TBX5: variants seen among roughly 807,000 people sequenced by gnomAD.
TBX5 encodes T-box transcription factor 5.
TBX5 carries 8 observed loss-of-function variants against 51.1 expected under a neutral mutation model. That is an observed-to-expected ratio of 0.16 (90% CI 0.09 to 0.28). The LOEUF (loss-of-function observed/expected upper bound fraction) is 0.28. TBX5 is among the 10% of genes least tolerant of loss of function. The pLI, the probability that TBX5 is intolerant of heterozygous loss-of-function variation, is 1.00. For missense variants in TBX5, 589 were observed against 671.7 expected (o/e 0.88, Z 1.36); for synonymous variants, 302 against 266.4 (o/e 1.13, Z -1.30).
chr12:114,395,562 G>T (rs1871370343), intron 5 of TBX5, among the ~76,000 whole-genome samples: 2 of 152,018 alleles, frequency 1.3e-5, no homozygotes, highest in South Asian at 4.2e-4. Context: ...GGCTCATAAG[G>T]TGTGGGGAGG....
chr12:114,392,228 C>A (rs377298814), intron 6 of TBX5, among the ~76,000 whole-genome samples: 1 of 150,244 alleles, frequency 6.7e-6, no homozygotes, highest in Non-Finnish European at 1.5e-5. Flanking sequence ...ATTGGGCAGG[C>A]AGGCATTCAT....
intron 7 of TBX5, among the ~76,000 whole-genome samples, chr12:114,367,092 A>G (rs546114607): frequency 2.2e-4 from 33 of 152,152 alleles, no homozygotes; most frequent in Non-Finnish European, 4.4e-4. Context: ...TACATGGCAC[A>G]GAGTAAATGC....
intron 7 of TBX5, among the ~76,000 whole-genome samples, chr12:114,376,650 TTA>T (rs1212424817): frequency 6.0e-5 from 9 of 149,866 alleles, no homozygotes; most frequent in African/African-American, 9.8e-5. Flanking sequence ...TCTTAAATAT[TTA>T]TATATATATA....
intron 3 of TBX5, 21 bp from the exon 4 acceptor site, chr12:114,399,653 G>C (rs1226635567): frequency 3.1e-6 from 5 of 1,614,020 alleles, no homozygotes; most frequent in Non-Finnish European, 4.2e-6. Context: ...GGGACGGAGG[G>C]AGAGAGGGGG....
chr12:114,389,812 T>G (rs1335446010), intron 6 of TBX5, among the ~76,000 whole-genome samples: 1 of 127,714 alleles, frequency 7.8e-6, no homozygotes, highest in African/African-American at 2.9e-5. Flanking sequence ...CACCTTTTCC[T>G]CCCACCTCCC....
At chr12:114,398,538 G>T (rs766296262) in intron 5 of TBX5, 35 bp downstream of exon 5, 7 of 1,605,814 alleles carry the variant, frequency 4.4e-6, no homozygotes, top group African/African-American at 1.3e-5. Context: ...GGACAAGAGG[G>T]AGACAAGGCG....
chr12:114,360,714 A>G (rs1343751782), intron 8 of TBX5, among the ~76,000 whole-genome samples: 34 of 113,602 alleles, frequency 3.0e-4, no homozygotes, highest in African/African-American at 1.2e-3. Flanking sequence ...TGAATGAGTG[A>G]GTGGGTGGAT....
chr12:114,355,235 G>A lies in TBX5; in HGVS notation c.*297C>T, dbSNP rs1367019065. On this transcript the variant is annotated 3_prime_UTR_variant, in exon 9 of 9. Transcript: ENST00000405440. ...AGAAGGAATGGGGGAAGAGATCTGG[G>A]GAGTAGCGTGAATGTGGCTGGTTGA... is the stretch of plus-strand genomic sequence containing the variant. The A allele has an allele frequency of 1.3e-5, 6 of 461,774 alleles. No individual in the cohort carries two copies. Among genetic ancestry groups the A allele is most frequent in the Non-Finnish European group, 2.4e-5 (6 of 246,818 alleles). 28.6% of individuals were successfully genotyped at this position (461,774 alleles called of 1,614,324 possible).
At chr12:114,404,282 A>T (rs1354827548) in intron 1 of TBX5, among the ~76,000 whole-genome samples, 1 of 152,148 alleles carries the variant, frequency 6.6e-6, no homozygotes, top group Non-Finnish European at 1.5e-5. Context: ...GCCAATAAAG[A>T]TAAGGCGTGG....
chr12:114,355,664 G>A lies in TBX5; in HGVS notation c.1425C>T (p.Gly475=), dbSNP rs199729532. The A allele has an allele frequency of 3.7e-6, 6 of 1,614,184 alleles. No individual in the cohort carries two copies. Among genetic ancestry groups the A allele is most frequent in the Non-Finnish European group, 5.1e-6 (6 of 1,180,036 alleles). The change falls in exon 9 of 9, where the codon GGC becomes GGT. Residue 475 remains glycine (G), a synonymous_variant. Coordinates refer to ENST00000405440, the MANE Select transcript of TBX5 (RefSeq NM_181486.4). ...GCTGAAGGGTGCCAGGGGACTGCAG[G>A]CCAGTCTGAGGCCCACACTGCCTGA... ...PVVRQCGPQT[G]LQSPGTLQPP...
chr12:114,383,057 C>G (rs1263220982), intron 7 of TBX5, among the ~76,000 whole-genome samples: 1 of 151,976 alleles, frequency 6.6e-6, no homozygotes, highest in Non-Finnish European at 1.5e-5. Flanking sequence ...CACACACCTG[C>G]ACATGCCCAC....
intron 5 of TBX5, among the ~76,000 whole-genome samples, chr12:114,395,122 G>C (rs1437745690): frequency 6.6e-6 from 1 of 152,102 alleles, no homozygotes; most frequent in East Asian, 1.9e-4. Context: ...ATCTACCCAA[G>C]GCACACAGAG....
At chr12:114,377,657 TCTC>T (rs1870270926) in intron 7 of TBX5, among the ~76,000 whole-genome samples, 1 of 149,236 alleles carries the variant, frequency 6.7e-6, no homozygotes, top group Non-Finnish European at 1.5e-5. Context: ...CTCAAGCAAT[TCTC>T]CTCCTGTCTC....
At chr12:114,386,196 C>A (rs1027875032) in intron 6 of TBX5, among the ~76,000 whole-genome samples, 1 of 152,076 alleles carries the variant, frequency 6.6e-6, no homozygotes, top group Non-Finnish European at 1.5e-5. Flanking sequence ...ATGTCCTAAG[C>A]AAAGAAGAGA....
At chr12:114,385,747 G>T (rs1870779373) in intron 6 of TBX5, among the ~76,000 whole-genome samples, 180 bp from the exon 7 acceptor site, 1 of 151,890 alleles carries the variant, frequency 6.6e-6, no homozygotes, top group Non-Finnish European at 1.5e-5. Flanking sequence ...TTTGAAAAAT[G>T]TCCTCCATTG....
intron 6 of TBX5, 146 bp from the exon 7 acceptor site, chr12:114,385,713 C>T (rs1565935526): frequency 5.6e-6 from 4 of 715,628 alleles, no homozygotes; most frequent in Non-Finnish European, 1.0e-5. Flanking sequence ...TCAACGGGAC[C>T]CACCACTTCA....
chr12:114,359,554 C>T (rs560939568), intron 8 of TBX5, among the ~76,000 whole-genome samples: 2 of 152,298 alleles, frequency 1.3e-5, no homozygotes, highest in Middle Eastern at 6.8e-3. Context: ...TGCAACTATC[C>T]TAAACCGAAA....
At chr12:114,404,918 G>A (rs1268687174) in intron 1 of TBX5, among the ~76,000 whole-genome samples, 1 of 152,216 alleles carries the variant, frequency 6.6e-6, no homozygotes, top group Non-Finnish European at 1.5e-5. Context: ...TGCATAGAAC[G>A]GCCCGGGTTT....
At chr12:114,362,695 C>T (rs921906860) in intron 8 of TBX5, among the ~76,000 whole-genome samples, 5 of 152,166 alleles carry the variant, frequency 3.3e-5, no homozygotes, top group South Asian at 2.1e-4. Flanking sequence ...GACAGGGTCT[C>T]TCTCTGTCAC....
Sources: allele counts gnomAD v4.1 joint callset (sites outside exome capture counted in the v4.1 genomes callset), GRCh38; gene constraint gnomAD v4.1.1; transcripts MANE v1.5; gene names NCBI Gene and HGNC (gene_info 2026-07-23, HGNC 2026-07-21).